The following TBC1D19 variants were observed in gnomAD, a reference collection of about 807,000 sequenced individuals.
TBC1D19 encodes the protein TBC1 domain family member 19, also known as TBC1 domain family, member 19.
TBC1D19 carries 60 observed loss-of-function variants against 89.0 expected under a neutral mutation model. That is an observed-to-expected ratio of 0.67 (90% CI 0.55 to 0.84). The LOEUF (loss-of-function observed/expected upper bound fraction) is 0.84, where lower values mean the gene tolerates loss of function less well. Ranked by LOEUF, TBC1D19 falls within the 40% of genes least tolerant of loss-of-function variation. The pLI, the probability that TBC1D19 is intolerant of heterozygous loss-of-function variation, is 0.00. For synonymous variants in TBC1D19, 189 were observed against 199.7 expected (o/e 0.95, Z 0.45); for missense variants, 500 against 610.8 (o/e 0.82, Z 1.91).
Position 26,612,217 on chromosome 4 carries a change from A to G in TBC1D19, c.100-952A>G, listed in dbSNP as rs867282706. Among the ~76,000 whole-genome samples, 11 of 149,796 alleles carry G rather than the reference A, an allele frequency of 7.3e-5. No individual in the cohort carries two copies. In the East Asian group the frequency reaches 1.4e-3, roughly 19 times the overall value. On this transcript the variant is annotated intron_variant, in intron 1 of 20. Coordinates refer to ENST00000264866, the MANE Select transcript of TBC1D19 (RefSeq NM_018317.4). ...ATTTTCCAAAGGATTTGGCTTTGCT[A>G]TCTAGTTGCTTGGTCTGTTTTTATG...
chr4:26,744,284 G>T (rs916276533), intron 18 of TBC1D19, among the ~76,000 whole-genome samples: 9 of 151,284 alleles, frequency 5.9e-5, no homozygotes, highest in Non-Finnish European at 3.0e-5. Context: ...TGATTATTCT[G>T]GCTGCAGGTT....
At chr4:26,587,608 GT>G (rs1158611493) in intron 1 of TBC1D19, among the ~76,000 whole-genome samples, 34 of 144,652 alleles carry the variant, frequency 2.4e-4, no homozygotes, top group South Asian at 6.5e-4. Flanking sequence ...TTTCTTTGTA[GT>G]TTTTTTTTTT....
At chr4:26,719,899 A>G (rs535803182) in intron 14 of TBC1D19, among the ~76,000 whole-genome samples, 182 bp from the exon 15 acceptor site, 1 of 152,210 alleles carries the variant, frequency 6.6e-6, no homozygotes, top group African/African-American at 2.4e-5. Flanking sequence ...TAATTGATGA[A>G]AGGGTTTGCT....
the TBC1D19 span, among the ~76,000 whole-genome samples, chr4:26,845,440 A>T: frequency 6.6e-6 from 1 of 152,174 alleles, no homozygotes; most frequent in African/African-American, 2.4e-5. Context: ...GTGGCATTAG[A>T]TACATTCACA....
rs554962203 is a variant in TBC1D19 at position 26,645,576 on chromosome 4, A to G, written c.480+5389A>G. ...CCTAGAAGAAAACCTAGGCAATACC[A>G]TTCAGGACATAGGCATGGGCAAGGA... is the stretch of plus-strand genomic sequence containing the variant. On this transcript the variant is annotated intron_variant, in intron 7 of 20. Coordinates refer to ENST00000264866, the MANE Select transcript of TBC1D19 (RefSeq NM_018317.4). Among the ~76,000 whole-genome samples, 9 of 152,348 alleles carry G rather than the reference A, an allele frequency of 5.9e-5. No homozygotes were observed. In the East Asian group the frequency reaches 1.7e-3, roughly 29 times the overall value.
chr4:26,828,889 G>T, the TBC1D19 span, among the ~76,000 whole-genome samples: 1 of 152,206 alleles, frequency 6.6e-6, no homozygotes, highest in Non-Finnish European at 1.5e-5. Flanking sequence ...AGATTTTACT[G>T]GACTGTTTTA....
the TBC1D19 span, among the ~76,000 whole-genome samples, chr4:26,817,828 C>T: frequency 3.3e-5 from 5 of 151,500 alleles, no homozygotes; most frequent in African/African-American, 7.3e-5. Flanking sequence ...ATTAGCCGGG[C>T]GTGGTGGTGC....
At chr4:26,682,132 T>TA (rs35530057) in intron 11 of TBC1D19, among the ~76,000 whole-genome samples, 2 of 152,224 alleles carry the variant, frequency 1.3e-5, no homozygotes, top group Non-Finnish European at 2.9e-5. Context: ...GGCAAACCCC[T>TA]AAACGTAGCT....
At chr4:26,657,483 G>C (rs574417749) in intron 7 of TBC1D19, among the ~76,000 whole-genome samples, 272 of 152,152 alleles carry the variant, frequency 1.8e-3, no homozygotes, top group African/African-American at 6.2e-3. Flanking sequence ...TCCAGTCTAT[G>C]ATTTATGGGC....
chr4:26,825,757 G>C, the TBC1D19 span, among the ~76,000 whole-genome samples: 1 of 152,130 alleles, frequency 6.6e-6, no homozygotes, highest in Non-Finnish European at 1.5e-5. Flanking sequence ...AAAAATCTCT[G>C]TGCCTCATTT....
chr4:26,700,716 A>T lies in TBC1D19; in HGVS notation c.954+12309A>T, dbSNP rs184651531. On this transcript the variant is annotated intron_variant, in intron 13 of 20. Coordinates refer to ENST00000264866, the MANE Select transcript of TBC1D19 (RefSeq NM_018317.4). ...AAGTTTCATAATTTGTTATGCAGGA[A>T]AATTCTATTGGTTTTGTCCTAAAGA... 4.0e-3 allele frequency among the ~76,000 whole-genome samples: 608 copies of T among 152,284 alleles called. 2 individuals carry two copies. Among genetic ancestry groups the T allele is most frequent in the South Asian group, 0.026 (125 of 4,822 alleles).
At chr4:26,664,901 G>A (rs929281303) in intron 8 of TBC1D19, among the ~76,000 whole-genome samples, 2 of 152,100 alleles carry the variant, frequency 1.3e-5, no homozygotes, top group Non-Finnish European at 2.9e-5. Flanking sequence ...TTAAAGGTGG[G>A]TGCATTCACC....
At chr4:26,697,073 G>GT (rs1364864100) in intron 13 of TBC1D19, among the ~76,000 whole-genome samples, 1 of 152,090 alleles carries the variant, frequency 6.6e-6, no homozygotes, top group Non-Finnish European at 1.5e-5. Context: ...CCAGGAGCTG[G>GT]TTTTTTGAAA....
At chr4:26,801,416 T>A in the TBC1D19 span, among the ~76,000 whole-genome samples, 3 of 152,206 alleles carry the variant, frequency 2.0e-5, no homozygotes, top group African/African-American at 7.2e-5. Flanking sequence ...TGTAGCCTTG[T>A]AGTATAGTTT....
chr4:26,613,813 A>G (rs1423329839), intron 2 of TBC1D19, among the ~76,000 whole-genome samples: 1 of 152,198 alleles, frequency 6.6e-6, no homozygotes. Context: ...GTATGCTTTC[A>G]CAGAAAATAA....
the TBC1D19 span, among the ~76,000 whole-genome samples, chr4:26,841,829 G>A: frequency 6.6e-6 from 1 of 152,168 alleles, no homozygotes; most frequent in Non-Finnish European, 1.5e-5. Context: ...CATAAAATAT[G>A]AATGGTGTGA....
At chr4:26,680,872 A>G (rs185700733) in intron 11 of TBC1D19, among the ~76,000 whole-genome samples, 258 of 152,182 alleles carry the variant, frequency 1.7e-3, no homozygotes, top group African/African-American at 6.0e-3. Context: ...AAGTGCATGT[A>G]TTTCTCAGAA....
upstream of TBC1D19, among the ~76,000 whole-genome samples, chr4:26,583,131 A>G (rs1194651483): frequency 2.0e-5 from 3 of 152,106 alleles, no homozygotes; most frequent in African/African-American, 7.2e-5. Context: ...TAAAATATGC[A>G]TATACACATT....
chr4:26,640,402 A>C (rs1743419051), intron 7 of TBC1D19, among the ~76,000 whole-genome samples: 1 of 152,206 alleles, frequency 6.6e-6, no homozygotes, highest in Non-Finnish European at 1.5e-5. Context: ...AGTTAGGATA[A>C]TTTTGATTAA....
Sources: gnomAD v4.1 joint callset for allele counts (sites outside exome capture counted in the v4.1 genomes callset) on GRCh38, gnomAD v4.1.1 for gene constraint, MANE v1.5 for transcripts, NCBI Gene and HGNC (gene_info 2026-07-23, HGNC 2026-07-21) for gene names.